LRRK2: variants seen among roughly 807,000 people sequenced by gnomAD.
The protein encoded by LRRK2 is leucine rich repeat kinase 2, also known as leucine-rich repeat serine/threonine-protein kinase 2.
A neutral mutation model predicts 302.6 loss-of-function variants in LRRK2; 203 were observed. The ratio of observed to expected loss-of-function variants is 0.67; its 90% CI spans 0.60 to 0.75. The LOEUF (loss-of-function observed/expected upper bound fraction) is 0.75, where lower values mean the gene tolerates loss of function less well. Ranked by LOEUF, LRRK2 falls within the 30% of genes least tolerant of loss-of-function variation. The probability of loss-of-function intolerance (pLI) is 0.00; values close to 1 mark genes in which losing one functional copy is unlikely to be tolerated. For missense variants in LRRK2, 2,830 were observed against 2,951.0 expected (o/e 0.96, Z 0.95); for synonymous variants, 1,066 against 1,031.9 (o/e 1.03, Z -0.63).
intron 28 of LRRK2, 126 bp downstream of exon 28, chr12:40,306,092 G>A: frequency 1.4e-6 from 1 of 709,086 alleles, no homozygotes; most frequent in East Asian, 2.8e-5. Context: ...GCATTAATAT[G>A]CTGTGTGTCA....
At chr12:40,277,855 CTTATT>C (rs758383440) in intron 16 of LRRK2, 28 bp from the exon 17 acceptor site, 76 of 1,542,232 alleles carry the variant, frequency 4.9e-5, no homozygotes, top group Non-Finnish European at 6.4e-5. Context: ...CCTGTAATTG[CTTATT>C]TTATTATTTT....
Position 40,249,830 on chromosome 12 carries a change from T to A in LRRK2, c.843T>A (p.Asn281Lys). Residue 281 changes from asparagine (N) to lysine (K), a missense_variant, in exon 8 of 51, where the codon AAT becomes AAA. Asn to Lys is a moderately conservative substitution (Grantham distance 94, BLOSUM62 0). Transcript: ENST00000298910. ...CCLLHRLTLG[N>K]FFNILVLNEV... ...AATGTTTCACTTAACTTTTAGGTAA[T>A]TTTTTCAATATCCTGGTATTAAACG... 6.2e-7 allele frequency: 1 copy of A among 1,613,622 alleles called. No individual in the cohort carries two copies. The highest frequency in any genetic ancestry group is 8.5e-7 in the Non-Finnish European group (1 of 1,179,644).
chr12:40,320,368 A>T (rs950084463), intron 34 of LRRK2, among the ~76,000 whole-genome samples, 193 bp downstream of exon 34: 1 of 152,108 alleles, frequency 6.6e-6, no homozygotes, highest in African/African-American at 2.4e-5. Flanking sequence ...ACAATATAGT[A>T]AATCACTTAC....
chr12:40,356,284 G>A (rs933547976), intron 46 of LRRK2, 97 bp downstream of exon 46: 1 of 825,204 alleles, frequency 1.2e-6, no homozygotes, highest in African/African-American at 1.7e-5. Context: ...CTCCCTGAGA[G>A]CAAGAATCAT....
rs777164246 is a variant in LRRK2, at chr12:40,346,784, T to C, written c.6141T>C (p.Asn2047=). Residue 2047 remains asparagine, a synonymous_variant, in exon 42 of 51, where the codon AAT becomes AAC. Transcript: ENST00000298910. ...GTGCACCTGAAGTTGCCAGAGGAAA[T>C]GTCATTTATAACCAACAGGCTGATG... ...GFRAPEVARG[N]VIYNQQADVY... 28 of 1,613,872 alleles carry C rather than the reference T, an allele frequency of 1.7e-5. No homozygotes were observed. In the East Asian group the frequency reaches 5.1e-4, roughly 30 times the overall value.
rs1940822143 is a variant in LRRK2, at chr12:40,225,478, C to T, written c.152-77C>T. 6 of 1,386,854 alleles carry T rather than the reference C, an allele frequency of 4.3e-6. No homozygotes were observed. The Admixed American group carries it at 5.1e-5, about 12-fold the overall frequency. The allele number at this position is 1,386,854 out of a possible 1,614,324, so 85.9% of individuals were successfully genotyped here. On this transcript the variant is annotated intron_variant, in intron 1 of 50. Coordinates refer to ENST00000298910, the MANE Select transcript of LRRK2 (RefSeq NM_198578.4). ...GGTCTTCACCTTTTTGACTTTTCTC[C>T]CCGTTTCAGACTAAAAAGGAGAGGG...
At chr12:40,346,649 C>G (rs1341288743) in intron 41 of LRRK2, 104 bp from the exon 42 acceptor site, 1 of 1,043,586 alleles carries the variant, frequency 9.6e-7, no homozygotes, top group Non-Finnish European at 1.4e-6. Context: ...TTTAGAACAT[C>G]TCTTCCTGAC....
intron 42 of LRRK2, among the ~76,000 whole-genome samples, chr12:40,348,091 G>A (rs1026328525): frequency 6.6e-6 from 1 of 152,134 alleles, no homozygotes; most frequent in African/African-American, 2.4e-5. Context: ...AAAATAAAAA[G>A]TAGAAGCTTT....
Position 40,346,748 on chromosome 12 carries a change from T to G in LRRK2, c.6110-5T>G, listed in dbSNP as rs1946199749. 6.2e-7 allele frequency: 1 copy of G among 1,613,540 alleles called. No individual in the cohort carries two copies. Among genetic ancestry groups the G allele is most frequent in the Admixed American group, 1.7e-5 (1 of 59,978 alleles). On this transcript the variant is annotated splice_region_variant and splice_polypyrimidine_tract_variant and intron_variant, in intron 41 of 50. Transcript: ENST00000298910. ...ATATTTATTATTTTATCTGCTTACT[T>G]TCAGGGTTTCGTGCACCTGAAGTTG...
Position 40,367,630 on chromosome 12 carries a change from T to A in LRRK2, c.7463-14T>A. ...GGATCTTTGAAACATGATTTCATTT[T>A]TTTCTTTTTCTAGAGATACAATCTT... On this transcript the variant is annotated splice_polypyrimidine_tract_variant and intron_variant, in intron 50 of 50. Transcript: ENST00000298910. The A allele has an allele frequency of 6.3e-7, 1 of 1,596,446 alleles. No homozygotes were observed. Among genetic ancestry groups the A allele is most frequent in the South Asian group, 1.1e-5 (1 of 87,696 alleles).
chr12:40,310,784 T>C (rs1291549154), intron 31 of LRRK2, 135 bp downstream of exon 31: 21 of 802,738 alleles, frequency 2.6e-5, no homozygotes, highest in Non-Finnish European at 4.0e-5. Flanking sequence ...ATTATTAAAG[T>C]CCTTTCCATT....
intron 2 of LRRK2, among the ~76,000 whole-genome samples, chr12:40,229,766 T>C (rs1941080899): frequency 6.6e-6 from 1 of 152,198 alleles, no homozygotes; most frequent in Non-Finnish European, 1.5e-5. Context: ...AATGGATCAA[T>C]TGTTACCTCT....
intron 41 of LRRK2, 79 bp downstream of exon 41, chr12:40,340,533 A>C: frequency 6.9e-7 from 1 of 1,449,674 alleles, no homozygotes; most frequent in Non-Finnish European, 9.7e-7. Flanking sequence ...CAGAAGAGTC[A>C]AAAGGAAAAC....
At chr12:40,302,764 G>A (rs756126344) in intron 25 of LRRK2, 25 bp from the exon 26 acceptor site, 5 of 1,427,120 alleles carry the variant, frequency 3.5e-6, no homozygotes, top group Admixed American at 3.4e-5. Context: ...TGATTAAAAT[G>A]TTTATCTCAT....
intron 13 of LRRK2, among the ~76,000 whole-genome samples, chr12:40,262,073 T>C (rs1357864152): frequency 6.6e-6 from 1 of 151,978 alleles, no homozygotes; most frequent in East Asian, 1.9e-4. Flanking sequence ...TATAGGCAAA[T>C]TGGGAAGTAT....
intron 4 of LRRK2, among the ~76,000 whole-genome samples, chr12:40,235,947 T>A (rs554495013): frequency 1.1e-4 from 17 of 152,204 alleles, no homozygotes; most frequent in African/African-American, 3.9e-4. Flanking sequence ...TCTCTTCTCC[T>A]TATCTCTTTT....
chr12:40,248,392 A>T (rs1469821404), intron 7 of LRRK2, among the ~76,000 whole-genome samples: 1 of 152,180 alleles, frequency 6.6e-6, no homozygotes, highest in Non-Finnish European at 1.5e-5. Flanking sequence ...GGCAACTGTC[A>T]TGTCATATGT....
intron 10 of LRRK2, among the ~76,000 whole-genome samples, chr12:40,252,164 A>G (rs1942302419): frequency 6.6e-6 from 1 of 152,204 alleles, no homozygotes; most frequent in South Asian, 2.1e-4. Context: ...TTTTATGGCA[A>G]CTGATTGATT....
At chr12:40,229,957 T>C (rs1169258118) in intron 2 of LRRK2, among the ~76,000 whole-genome samples, 2 of 69,354 alleles carry the variant, frequency 2.9e-5, no homozygotes, top group Non-Finnish European at 5.7e-5. Flanking sequence ...CTATGTGACT[T>C]TTTTTTTTTT....
Sources: gnomAD v4.1 joint callset for allele counts (sites outside exome capture counted in the v4.1 genomes callset) on GRCh38, gnomAD v4.1.1 for gene constraint, MANE v1.5 for transcripts, NCBI Gene and HGNC (gene_info 2026-07-23, HGNC 2026-07-21) for gene names.